Variants in MEF2A observed in about 807,000 individuals in gnomAD.
MEF2A encodes the protein myocyte-specific enhancer factor 2A.
In MEF2A, 28 loss-of-function variants were observed where a neutral mutation model predicts 55.8. That is an observed-to-expected ratio of 0.50 (90% CI 0.37 to 0.69). The LOEUF (loss-of-function observed/expected upper bound fraction) is 0.69, where lower values mean the gene tolerates loss of function less well. MEF2A is among the 30% of genes least tolerant of loss of function. The pLI is 0.00. For synonymous variants in MEF2A, 239 were observed against 227.1 expected (o/e 1.05, Z -0.47); for missense variants, 528 against 626.2 (o/e 0.84, Z 1.67).
chr15:99,618,898 T>C (rs1263854980), intron 2 of MEF2A, among the ~76,000 whole-genome samples: 3 of 152,246 alleles, frequency 2.0e-5, no homozygotes, highest in African/African-American at 7.2e-5. Flanking sequence ...AATATGAGTA[T>C]ACTTGCTAAA....
intron 1 of MEF2A, among the ~76,000 whole-genome samples, chr15:99,584,964 TG>T (rs1193007199): frequency 6.6e-6 from 1 of 151,708 alleles, no homozygotes; most frequent in African/African-American, 2.4e-5. Flanking sequence ...TGGAAGGGCA[TG>T]GGGGGGATAA....
chr15:99,609,033 C>T (rs1976171765), intron 2 of MEF2A, among the ~76,000 whole-genome samples: 1 of 152,194 alleles, frequency 6.6e-6, no homozygotes, highest in Non-Finnish European at 1.5e-5. Context: ...CACAGCTAGT[C>T]TTTGCAAAGT....
At chr15:99,620,843 C>CT (rs1175032916) in intron 2 of MEF2A, 18,437 of 132,308 alleles carry the variant, frequency 0.14, 1,518 homozygotes, top group Middle Eastern at 0.28. Context: ...TCACAAACAT[C>CT]TTTTTTTTTT....
intron 4 of MEF2A, among the ~76,000 whole-genome samples, chr15:99,661,809 C>A (rs2048688231): frequency 6.6e-6 from 1 of 151,886 alleles, no homozygotes; most frequent in African/African-American, 2.4e-5. Flanking sequence ...AATGTGTGCA[C>A]ATTATGCAGT....
At chr15:99,631,769 A>G (rs908480848) in intron 2 of MEF2A, among the ~76,000 whole-genome samples, 1 of 152,118 alleles carries the variant, frequency 6.6e-6, no homozygotes, top group African/African-American at 2.4e-5. Flanking sequence ...TACTGTTTGT[A>G]TCAATGAAGA....
intron 4 of MEF2A, among the ~76,000 whole-genome samples, chr15:99,654,310 T>C (rs1477309251): frequency 6.6e-6 from 1 of 152,124 alleles, no homozygotes; most frequent in Non-Finnish European, 1.5e-5. Context: ...ATATTATCCA[T>C]TTATTTATTG....
chr15:99,568,102 A>G (rs1046811448), intron 1 of MEF2A, among the ~76,000 whole-genome samples: 5 of 152,230 alleles, frequency 3.3e-5, no homozygotes, highest in African/African-American at 1.2e-4. Flanking sequence ...ATGGTTATAT[A>G]TAAAATTGTG....
chr15:99,637,673 C>T lies in MEF2A; in HGVS notation c.54+4500C>T, dbSNP rs146675675. The stretch of plus-strand genomic sequence containing the variant: ...TTTTTTTCTGTGTAAGACGGAGTCT[C>T]GCTCTGTCGCCCAGGATGGAGTGCA... On this transcript the variant is annotated intron_variant, in intron 3 of 11. Transcript: ENST00000557942. Among the ~76,000 whole-genome samples the T allele has an allele frequency of 6.9e-3, 1,052 of 151,894 alleles. 11 individuals are homozygous for T. The highest frequency in any genetic ancestry group is 0.024 in the African/African-American group (976 of 41,398).
intron 1 of MEF2A, among the ~76,000 whole-genome samples, chr15:99,572,183 A>G (rs1883525657): frequency 6.6e-6 from 1 of 151,846 alleles, no homozygotes; most frequent in African/African-American, 2.4e-5. Context: ...TCTCCTTCTC[A>G]TCATTCTTCC....
chr15:99,630,684 A>C (rs1419806838), intron 2 of MEF2A, among the ~76,000 whole-genome samples: 2 of 152,226 alleles, frequency 1.3e-5, no homozygotes, highest in Non-Finnish European at 2.9e-5. Flanking sequence ...ACTGGTATGC[A>C]GCTAGGCCAA....
chr15:99,588,016 C>CA (rs1967939909), intron 1 of MEF2A, among the ~76,000 whole-genome samples: 1 of 152,078 alleles, frequency 6.6e-6, no homozygotes, highest in Non-Finnish European at 1.5e-5. Context: ...TTAGAGGGGG[C>CA]AATTAGTCTT....
chr15:99,680,076 T>G (rs764537476), intron 7 of MEF2A, among the ~76,000 whole-genome samples: 5 of 152,152 alleles, frequency 3.3e-5, no homozygotes, highest in Non-Finnish European at 5.9e-5. Context: ...GTTGATGAAG[T>G]GAAAAGCTGG....
chr15:99,572,176 CCTT>C (rs1236316360), intron 1 of MEF2A, among the ~76,000 whole-genome samples: 6 of 152,256 alleles, frequency 3.9e-5, no homozygotes, highest in African/African-American at 1.4e-4. Flanking sequence ...TGAGCTTTCT[CCTT>C]CTCATCATTC....
chr15:99,567,663 G>GTGTA (rs971326267), intron 1 of MEF2A, among the ~76,000 whole-genome samples: 2 of 150,274 alleles, frequency 1.3e-5, no homozygotes, highest in African/African-American at 2.5e-5. Context: ...GTGTGTGTGT[G>GTGTA]TATTTTTGGA....
At chr15:99,615,465 A>G (rs2095058566) in intron 2 of MEF2A, among the ~76,000 whole-genome samples, 1 of 152,228 alleles carries the variant, frequency 6.6e-6, no homozygotes, top group Non-Finnish European at 1.5e-5. Context: ...AATAATGGCC[A>G]ACATTGAGCA....
intron 4 of MEF2A, among the ~76,000 whole-genome samples, chr15:99,653,557 G>A (rs1204355652): frequency 6.6e-6 from 1 of 152,112 alleles, no homozygotes; most frequent in African/African-American, 2.4e-5. Flanking sequence ...AATTTCTAAC[G>A]TGTTTCACTG....
rs553312751 is a variant in MEF2A, at chr15:99,655,661, A to G, written c.258+9897A>G. Among the ~76,000 whole-genome samples, 48 of 152,232 alleles carry G rather than the reference A, an allele frequency of 3.2e-4. No individual in the cohort carries two copies. The East Asian group carries it at 6.9e-3, about 22-fold the overall frequency. On this transcript the variant is annotated intron_variant, in intron 4 of 11. Coordinates refer to ENST00000557942, the MANE Select transcript of MEF2A (RefSeq NM_001319206.4). ...TAGTAATGTTGAGAATTATAGAAAG[A>G]GGAATGCAATTCCATTTGGTTTGAA...
At chr15:99,670,367 G>C (rs1475286144) in intron 4 of MEF2A, among the ~76,000 whole-genome samples, 1 of 152,194 alleles carries the variant, frequency 6.6e-6, no homozygotes, top group Non-Finnish European at 1.5e-5. Flanking sequence ...CCAGCACTTT[G>C]GGAGGCTGAG....
intron 2 of MEF2A, among the ~76,000 whole-genome samples, chr15:99,626,957 A>G (rs977247408): frequency 1.3e-5 from 2 of 152,162 alleles, no homozygotes; most frequent in African/African-American, 4.8e-5. Context: ...GGAAGATTGT[A>G]ATATGAAGGG....
Sources: allele counts gnomAD v4.1 joint callset (sites outside exome capture counted in the v4.1 genomes callset), GRCh38; gene constraint gnomAD v4.1.1; transcripts MANE v1.5; gene names NCBI Gene and HGNC (gene_info 2026-07-23, HGNC 2026-07-21).